Variants in PTPN13 observed in about 807,000 individuals in gnomAD.
PTPN13 encodes the protein protein tyrosine phosphatase non-receptor type 13, also known as tyrosine-protein phosphatase non-receptor type 13.
PTPN13 carries 191 observed loss-of-function variants against 284.0 expected under a neutral mutation model. That is an observed-to-expected ratio of 0.67 (90% CI 0.60 to 0.76). The LOEUF is 0.76. Among genes scored for constraint, PTPN13 ranks in the 30% least tolerant of loss-of-function variants. The pLI is 0.00. For synonymous variants in PTPN13, 986 were observed against 1,022.3 expected (o/e 0.96, Z 0.68); for missense variants, 2,797 against 2,939.9 (o/e 0.95, Z 1.12).
intron 9 of PTPN13, among the ~76,000 whole-genome samples, chr4:86,719,054 T>C (rs887879806): frequency 3.9e-5 from 6 of 152,192 alleles, no homozygotes; most frequent in South Asian, 4.1e-4. Flanking sequence ...CAGGGGTTTG[T>C]ATACATACTA....
At chr4:86,664,271 T>C (rs1207184864) in intron 2 of PTPN13, among the ~76,000 whole-genome samples, 1 of 152,168 alleles carries the variant, frequency 6.6e-6, no homozygotes, top group African/African-American at 2.4e-5. Flanking sequence ...TAAATCATAC[T>C]TGAAAATGTA....
intron 3 of PTPN13, among the ~76,000 whole-genome samples, chr4:86,679,490 C>T (rs1205777448): frequency 1.3e-5 from 2 of 152,304 alleles, no homozygotes; most frequent in East Asian, 1.9e-4. Flanking sequence ...AGGCCCTACC[C>T]CAGACCTATT....
chr4:86,667,194 A>G (rs903736680), intron 2 of PTPN13, among the ~76,000 whole-genome samples: 3 of 152,202 alleles, frequency 2.0e-5, no homozygotes, highest in Non-Finnish European at 2.9e-5. Context: ...AACTACCACC[A>G]GAATATAAAT....
chr4:86,615,056 G>A (rs1720389334), intron 1 of PTPN13, among the ~76,000 whole-genome samples: 1 of 152,058 alleles, frequency 6.6e-6, no homozygotes, highest in Non-Finnish European at 1.5e-5. Flanking sequence ...GATTTTTCAA[G>A]TTCCTAGGAA....
chr4:86,643,089 C>T (rs1724003994), intron 2 of PTPN13, among the ~76,000 whole-genome samples: 1 of 152,140 alleles, frequency 6.6e-6, no homozygotes, highest in South Asian at 2.1e-4. Flanking sequence ...CTCAATTTCC[C>T]TCACTTAGGC....
chr4:86,703,200 T>C (rs1424583665), intron 7 of PTPN13, among the ~76,000 whole-genome samples: 1 of 152,142 alleles, frequency 6.6e-6, no homozygotes, highest in African/African-American at 2.4e-5. Flanking sequence ...TGGTTGTATA[T>C]AACCTTGATC....
At chr4:86,733,606 A>T (rs868620524) in intron 12 of PTPN13, among the ~76,000 whole-genome samples, 2 of 152,114 alleles carry the variant, frequency 1.3e-5, no homozygotes, top group Non-Finnish European at 2.9e-5. Context: ...ATAAATAGTC[A>T]ATTAGTACCT....
In PTPN13 at chr4:86,618,542, A is replaced by G. The variant is rs578153368; in HGVS notation, c.-5-16710A>G. Among the ~76,000 whole-genome samples, 18 of 152,222 alleles carry G rather than the reference A, an allele frequency of 1.2e-4. No individual in the cohort carries two copies. The South Asian group carries it at 3.7e-3, about 32-fold the overall frequency. On this transcript the variant is annotated intron_variant, in intron 1 of 47. Coordinates refer to ENST00000411767, the MANE Select transcript of PTPN13 (RefSeq NM_080683.3). ...CATTATGGCCATTTTCACAATATTGATTCTTCCTACCCATGAGCATAGACT... is the reference window on the plus strand; with the variant it reads ...CATTATGGCCATTTTCACAATATTGGTTCTTCCTACCCATGAGCATAGACT...
chr4:86,676,117 C>T (rs909857415), intron 3 of PTPN13, among the ~76,000 whole-genome samples: 5 of 152,132 alleles, frequency 3.3e-5, no homozygotes, highest in Admixed American at 1.3e-4. Flanking sequence ...CACACTATAC[C>T]GTACATACTT....
intron 37 of PTPN13, among the ~76,000 whole-genome samples, chr4:86,783,304 C>T (rs1452452223): frequency 6.6e-6 from 1 of 152,166 alleles, no homozygotes; most frequent in Non-Finnish European, 1.5e-5. Flanking sequence ...GCTACAGCAA[C>T]ACTCACTATT....
In PTPN13 at chr4:86,765,416, A is replaced by G; in HGVS notation, c.4171A>G (p.Arg1391Gly). The change falls in exon 26 of 48, where the codon AGA becomes GGA. Residue 1391 changes from arginine to glycine, a missense_variant. By Grantham distance (125) the Arg-to-Gly change is moderately radical (BLOSUM62 -2). Transcript: ENST00000411767. ...SVTGGVNTSV[R>G]HGGIYVKAVI... ...TTAGGGAGGTGTGAATACGAGTGTC[A>G]GACATGGTGGCATTTATGTGAAAGC... 1 of 1,601,828 alleles carries G rather than the reference A, an allele frequency of 6.2e-7. No homozygotes were observed. The highest frequency in any genetic ancestry group is 8.5e-7 in the Non-Finnish European group (1 of 1,173,568).
Position 86,805,308 on chromosome 4 carries a change from G to A in PTPN13, c.6684G>A (p.Gln2228=), listed in dbSNP as rs61750817. 1.8e-4 allele frequency: 291 copies of A among 1,599,444 alleles called. No individual in the cohort carries two copies. Among genetic ancestry groups the A allele is most frequent in the Non-Finnish European group, 1.8e-4 (212 of 1,169,682 alleles). ...TTCAAGAATTAAAACCTTTGGATCA[G>A]TGTCTAATTGGGCAAACTAAGGAAA... ...ENLQELKPLD[Q]CLIGQTKENR... is the part of the protein sequence containing the mutation. The change falls in exon 44 of 48, where the codon CAG becomes CAA. Residue 2228 remains glutamine (Q), a synonymous_variant. Coordinates refer to ENST00000411767, the MANE Select transcript of PTPN13 (RefSeq NM_080683.3).
intron 1 of PTPN13, chr4:86,595,901 G>A (rs1054716917): frequency 1.2e-5 from 5 of 401,344 alleles, no homozygotes; most frequent in Non-Finnish European, 1.7e-5. Context: ...TTTTCCTAAA[G>A]TCTTCATGAC....
Position 86,771,474 on chromosome 4 carries a change from A to G in PTPN13, c.5107A>G (p.Thr1703Ala). 2 of 1,565,974 alleles carry G rather than the reference A, an allele frequency of 1.3e-6. No homozygotes were observed. The highest frequency in any genetic ancestry group is 8.7e-7 in the Non-Finnish European group (1 of 1,153,376). ...HHEAPKSQED[T>A]ICTMFYYPQK... ...TGAAGCACCCAAGAGTCAAGAAGAT[A>G]CCATTTGTACCATGTTTTACTATCC... is the stretch of plus-strand genomic sequence containing the variant. Residue 1703 changes from threonine to alanine, a missense_variant, in exon 31 of 48, where the codon ACC becomes GCC. By Grantham distance (58) the Thr-to-Ala change is moderately conservative. Transcript: ENST00000411767.
At chr4:86,638,167 G>C (rs976260230) in intron 2 of PTPN13, among the ~76,000 whole-genome samples, 1 of 152,062 alleles carries the variant, frequency 6.6e-6, no homozygotes, top group African/African-American at 2.4e-5. Flanking sequence ...CACTGCTCAA[G>C]GAAATAAAAG....
In PTPN13 at chr4:86,717,070, C is replaced by T; in HGVS notation, c.1338C>T (p.Leu446=). 1 of 1,613,148 alleles carries T rather than the reference C, an allele frequency of 6.2e-7. No homozygotes were observed. ...AGAGGTTTGAATCCAGCAGTGGTCT[C>T]CCAGGGGTAGATGAAACCTTAAGTC... ...ASKRFESSSG[L]PGVDETLSQG... Residue 446 remains leucine, a synonymous_variant, in exon 9 of 48, where the codon CTC becomes CTT. Transcript: ENST00000411767.
intron 32 of PTPN13, among the ~76,000 whole-genome samples, chr4:86,773,288 C>T (rs1740209061): frequency 6.6e-6 from 1 of 152,156 alleles, no homozygotes; most frequent in African/African-American, 2.4e-5. Context: ...AATGAAATAA[C>T]ATATGTAAAG....
chr4:86,672,153 T>G (rs1361132490), intron 2 of PTPN13, among the ~76,000 whole-genome samples: 1 of 152,192 alleles, frequency 6.6e-6, no homozygotes, highest in Non-Finnish European at 1.5e-5. Context: ...TTAAGCCAAA[T>G]CAAGGCATTG....
chr4:86,801,741 T>C (rs555893362), intron 42 of PTPN13, among the ~76,000 whole-genome samples: 1 of 152,290 alleles, frequency 6.6e-6, no homozygotes, highest in African/African-American at 2.4e-5. Flanking sequence ...ATCTTGAAAT[T>C]AAAACAAAAT....
Sources: gnomAD v4.1 joint callset for allele counts (sites outside exome capture counted in the v4.1 genomes callset) on GRCh38, gnomAD v4.1.1 for gene constraint, MANE v1.5 for transcripts, NCBI Gene and HGNC (gene_info 2026-07-23, HGNC 2026-07-21) for gene names.